TCF7L1: variants seen among roughly 807,000 people sequenced by gnomAD.
TCF7L1 encodes the protein transcription factor 7-like 1.
A neutral mutation model predicts 63.7 loss-of-function variants in TCF7L1; 18 were observed. The observed-to-expected ratio is 0.28, with a 90% CI of 0.20 to 0.42. TCF7L1 has a LOEUF of 0.42. TCF7L1 is among the 10% of genes least tolerant of loss of function. The pLI is 1.00. For missense variants in TCF7L1, 654 were observed against 779.3 expected, an observed-to-expected ratio of 0.84 and a Z score of 1.91; for synonymous variants, 355 against 340.9, an observed-to-expected ratio of 1.04 and a Z score of -0.46.
rs575587608 is a variant in TCF7L1, at chr2:85,276,740, C to T, written c.442-6755C>T. Among the ~76,000 whole-genome samples the T allele has an allele frequency of 3.1e-4, 47 of 152,260 alleles. 1 individual carries two copies. Among genetic ancestry groups the T allele is most frequent in the Middle Eastern group, 3.4e-3 (1 of 294 alleles). ...AATACAGCATGGGACAGGGTTTCAACACATCATGATTGCCGGGTTCTGGGT... is the reference window on the plus strand; with the variant it reads ...AATACAGCATGGGACAGGGTTTCAATACATCATGATTGCCGGGTTCTGGGT... On this transcript the variant is annotated intron_variant, in intron 3 of 11. Transcript: ENST00000282111.
At chr2:85,299,293 T>C (rs571501283) in intron 4 of TCF7L1, among the ~76,000 whole-genome samples, 1 of 152,114 alleles carries the variant, frequency 6.6e-6, no homozygotes, top group Non-Finnish European at 1.5e-5. Context: ...CTCACACCTG[T>C]AATCCCAGCA....
intron 3 of TCF7L1, among the ~76,000 whole-genome samples, chr2:85,206,313 C>T (rs1679408917): frequency 6.6e-6 from 1 of 152,232 alleles, no homozygotes. Context: ...TCTGCAGTCA[C>T]TCTGTGGGGC....
chr2:85,259,642 G>A (rs1286158750), intron 3 of TCF7L1, among the ~76,000 whole-genome samples: 3 of 152,168 alleles, frequency 2.0e-5, no homozygotes, highest in East Asian at 1.9e-4. Flanking sequence ...AAAATGTTGC[G>A]ATTTAGCCAT....
intron 3 of TCF7L1, among the ~76,000 whole-genome samples, chr2:85,208,025 G>C (rs1679451994): frequency 6.6e-6 from 1 of 152,048 alleles, no homozygotes; most frequent in South Asian, 2.1e-4. Context: ...TCCTGCCTCA[G>C]CCTCCTGAGT....
intron 3 of TCF7L1, among the ~76,000 whole-genome samples, chr2:85,165,503 A>G (rs1276950705): frequency 6.6e-6 from 1 of 152,194 alleles, no homozygotes. Flanking sequence ...TTCCAGAGTT[A>G]CTTGCCTTGA....
At chr2:85,244,026 T>C (rs1215168200) in intron 3 of TCF7L1, among the ~76,000 whole-genome samples, 1 of 152,206 alleles carries the variant, frequency 6.6e-6, no homozygotes, top group East Asian at 1.9e-4. Context: ...CAATATTTAT[T>C]GAAGGCCTCA....
chr2:85,146,220 G>A (rs926851669), intron 3 of TCF7L1, among the ~76,000 whole-genome samples: 1 of 152,080 alleles, frequency 6.6e-6, no homozygotes, highest in African/African-American at 2.4e-5. Flanking sequence ...TTATCACCTC[G>A]ATTTTATCCT....
chr2:85,148,916 T>G (rs1677943321), intron 3 of TCF7L1, among the ~76,000 whole-genome samples: 2 of 151,894 alleles, frequency 1.3e-5, no homozygotes, highest in African/African-American at 4.8e-5. Context: ...GTAGATGGAA[T>G]TATAGGCGCC....
At chr2:85,191,482 G>T (rs1404124770) in intron 3 of TCF7L1, among the ~76,000 whole-genome samples, 2 of 152,194 alleles carry the variant, frequency 1.3e-5, no homozygotes, top group Non-Finnish European at 2.9e-5. Context: ...CTCTCATAGG[G>T]TTAGTTAGTA....
chr2:85,153,832 ATC>A (rs1274111435), intron 3 of TCF7L1, among the ~76,000 whole-genome samples: 1 of 152,208 alleles, frequency 6.6e-6, no homozygotes, highest in Non-Finnish European at 1.5e-5. Flanking sequence ...ATGTGTGAAT[ATC>A]TGTTACTGTT....
chr2:85,253,873 A>G (rs1157589541), intron 3 of TCF7L1, among the ~76,000 whole-genome samples: 1 of 152,256 alleles, frequency 6.6e-6, no homozygotes, highest in Non-Finnish European at 1.5e-5. Context: ...CAAGGTAACA[A>G]CTGGTAAGGG....
intron 3 of TCF7L1, among the ~76,000 whole-genome samples, chr2:85,146,961 G>A (rs771775734): frequency 6.6e-5 from 10 of 152,076 alleles, no homozygotes; most frequent in Non-Finnish European, 1.3e-4. Flanking sequence ...TATTGATTCT[G>A]TTTTTCCCAA....
chr2:85,274,137 A>G (rs1317269297), intron 3 of TCF7L1, among the ~76,000 whole-genome samples: 1 of 152,174 alleles, frequency 6.6e-6, no homozygotes, highest in Admixed American at 6.5e-5. Context: ...GCCAGTTTCC[A>G]CGAAGACACT....
intron 3 of TCF7L1, among the ~76,000 whole-genome samples, chr2:85,277,520 C>G (rs930027667): frequency 6.6e-6 from 1 of 152,014 alleles, no homozygotes; most frequent in Non-Finnish European, 1.5e-5. Flanking sequence ...CTCTAGGTCC[C>G]CAAAGTCACT....
intron 3 of TCF7L1, among the ~76,000 whole-genome samples, chr2:85,212,951 G>A (rs1047951437): frequency 6.6e-6 from 1 of 152,148 alleles, no homozygotes; most frequent in Admixed American, 6.6e-5. Context: ...CCTGGGACTC[G>A]AATGTGACAA....
chr2:85,239,958 AAAAC>A (rs1558643095), intron 3 of TCF7L1, among the ~76,000 whole-genome samples: 4 of 151,688 alleles, frequency 2.6e-5, no homozygotes, highest in Non-Finnish European at 2.9e-5. Context: ...AAAAAAAAAA[AAAAC>A]AAAAAAAAAA....
intron 3 of TCF7L1, among the ~76,000 whole-genome samples, chr2:85,153,408 C>G (rs1323765605): frequency 7.3e-6 from 1 of 137,060 alleles, no homozygotes; most frequent in Non-Finnish European, 1.5e-5. Context: ...GTGGCACGAT[C>G]TTGGCTCATT....
chr2:85,161,640 G>T (rs572324956), intron 3 of TCF7L1, among the ~76,000 whole-genome samples: 286 of 152,336 alleles, frequency 1.9e-3, no homozygotes, highest in Non-Finnish European at 1.6e-3. Flanking sequence ...AGCTCAAGGA[G>T]CACAGAAGTC....
rs528216365 is a variant in TCF7L1, at chr2:85,221,956, A to G, written c.442-61539A>G. ...TAAAAAAAAAAAAAACTACAGGAACAATAACTTGGTTTCCTCCACGAATAA... is the reference window on the plus strand; with the variant it reads ...TAAAAAAAAAAAAAACTACAGGAACGATAACTTGGTTTCCTCCACGAATAA... On this transcript the variant is annotated intron_variant, in intron 3 of 11. Coordinates refer to ENST00000282111, the MANE Select transcript of TCF7L1 (RefSeq NM_031283.3). Among the ~76,000 whole-genome samples the G allele has an allele frequency of 7.2e-3, 1,099 of 152,100 alleles. 3 individuals carry two copies. Among genetic ancestry groups the G allele is most frequent in the Admixed American group, 0.012 (178 of 15,284 alleles).
Sources: gnomAD v4.1 joint callset for allele counts (sites outside exome capture counted in the v4.1 genomes callset) on GRCh38, gnomAD v4.1.1 for gene constraint, MANE v1.5 for transcripts, NCBI Gene and HGNC (gene_info 2026-07-23, HGNC 2026-07-21) for gene names.